Variants in ZNF385B observed in about 807,000 individuals in gnomAD.
ZNF385B encodes zinc finger protein 385B.
Under a neutral mutation model 39.2 loss-of-function variants are expected in ZNF385B, and 23 were observed. The observed-to-expected ratio is 0.59, with a 90% CI of 0.42 to 0.83. ZNF385B has a LOEUF of 0.83. ZNF385B is among the 40% of genes least tolerant of loss of function. The pLI is 0.00. For synonymous variants in ZNF385B, 205 were observed against 222.6 expected (o/e 0.92, Z 0.70); for missense variants, 552 against 598.9 (o/e 0.92, Z 0.82).
rs779539509 is a variant in ZNF385B at position 179,442,471 on chromosome 2, C to T, written c.*779G>A. ...AAATAAGTTAAACAAAAATAGCAAA[C>T]AGGTAGTAATTATAGCTATGTTATA... On this transcript the variant is annotated 3_prime_UTR_variant, in exon 10 of 10. Coordinates refer to ENST00000410066, the MANE Select transcript of ZNF385B (RefSeq NM_152520.6). The T allele has an allele frequency of 1.3e-5, 2 of 152,724 alleles. No homozygotes were observed. The highest frequency in any genetic ancestry group is 4.1e-4 in the South Asian group (2 of 4,824). The allele number at this position is 152,724 out of a possible 1,614,324, so 9.5% of individuals were successfully genotyped here.
intron 5 of ZNF385B, among the ~76,000 whole-genome samples, chr2:179,495,882 G>A (rs913068310): frequency 3.9e-5 from 6 of 152,040 alleles, no homozygotes; most frequent in African/African-American, 7.2e-5. Flanking sequence ...CAAGAAGGAC[G>A]GCTACAAATA....
rs201219497 is a variant in ZNF385B, at chr2:179,493,380, C to T, written c.553-9946G>A. 8.4e-3 allele frequency among the ~76,000 whole-genome samples: 1,273 copies of T among 150,898 alleles called. 14 individuals are homozygous for T. The highest frequency in any genetic ancestry group is 0.035 in the Admixed American group (524 of 15,158). ...ATATATATGTAGGTTTGTGTGCGCG[C>T]GCACATATATGTATGCATACATATA... On this transcript the variant is annotated intron_variant, in intron 5 of 9. Coordinates refer to ENST00000410066, the MANE Select transcript of ZNF385B (RefSeq NM_152520.6).
chr2:179,609,102 G>A (rs1281078091), intron 3 of ZNF385B, among the ~76,000 whole-genome samples: 1 of 151,668 alleles, frequency 6.6e-6, no homozygotes, highest in Non-Finnish European at 1.5e-5. Context: ...CTTTATAAGA[G>A]TATGATATTA....
At chr2:179,814,512 A>C (rs1307697966) in intron 1 of ZNF385B, 1 of 703,842 alleles carries the variant, frequency 1.4e-6, no homozygotes, top group African/African-American at 1.8e-5. Flanking sequence ...CTTCAGGAAC[A>C]AGCACATCAT....
chr2:179,648,491 T>C (rs377613047), intron 3 of ZNF385B, among the ~76,000 whole-genome samples: 19 of 152,252 alleles, frequency 1.2e-4, no homozygotes, highest in African/African-American at 4.6e-4. Flanking sequence ...TTTGTGTATG[T>C]GCATGCACAT....
chr2:179,592,757 A>G (rs16866836), intron 3 of ZNF385B, among the ~76,000 whole-genome samples: 28,642 of 152,062 alleles, frequency 0.19, 2,807 homozygotes, highest in Non-Finnish European at 0.21. Flanking sequence ...TGTTAGTTCT[A>G]CTTGAAGGCC....
chr2:179,792,365 A>ATTCTTTTTTT lies in ZNF385B; in HGVS notation c.-154-21694_-154-21693insAAAAAAAGAA, dbSNP rs34469960. Among the ~76,000 whole-genome samples, 8 of 120,608 alleles carry ATTCTTTTTTT rather than the reference A, an allele frequency of 6.6e-5. 1 individual carries two copies. Among genetic ancestry groups the ATTCTTTTTTT allele is most frequent in the African/African-American group, 9.5e-5 (3 of 31,716 alleles). 79.1% of individuals were successfully genotyped at this position (120,608 alleles called of 152,430 possible). ...AGTGACTGAAGAAGTAGGCCATTTC[A>ATTCTTTTTTT]TTTTCTTTTCTTTTTTTTTTTTTTT... On this transcript the variant is annotated intron_variant, in intron 1 of 9. Coordinates refer to ENST00000410066, the MANE Select transcript of ZNF385B (RefSeq NM_152520.6).
intron 3 of ZNF385B, among the ~76,000 whole-genome samples, chr2:179,739,040 A>C (rs12467807): frequency 0.98 from 148,718 of 152,282 alleles, 72,701 homozygotes; most frequent in Non-Finnish European, 1. Flanking sequence ...GGATTCCACC[A>C]CCACTGCAAA....
At chr2:179,689,344 T>C (rs1054548956) in intron 3 of ZNF385B, among the ~76,000 whole-genome samples, 1 of 152,168 alleles carries the variant, frequency 6.6e-6, no homozygotes, top group Non-Finnish European at 1.5e-5. Flanking sequence ...CCACAGCATA[T>C]GCATATGCAT....
At position 179,840,658 on chromosome 2, in the gene ZNF385B, G is replaced by A. The variant is rs1056071165; in HGVS notation, c.-155+20443C>T. Among the ~76,000 whole-genome samples the A allele has an allele frequency of 3.3e-5, 5 of 152,228 alleles. No individual in the cohort carries two copies. In the East Asian group the frequency reaches 9.7e-4, roughly 29 times the overall value. On this transcript the variant is annotated intron_variant, in intron 1 of 9. Transcript: ENST00000410066. ...TTGTTCCTTCAACTTTGAAGTTTCT[G>A]TATTTATTTTTCCATTGATTTCTCT... is the stretch of plus-strand genomic sequence containing the variant.
rs142795610 is a variant in ZNF385B, at chr2:179,561,621, GA to G, written c.299-16653del. Among the ~76,000 whole-genome samples, 276 of 144,192 alleles carry G rather than the reference GA, an allele frequency of 1.9e-3. 4 individuals carry two copies. The East Asian group carries it at 0.025, about 13-fold the overall frequency. The allele number at this position is 144,192 out of a possible 152,430, so 94.6% of individuals were successfully genotyped here. Reference sequence around the variant, plus strand: ...TCCATGTTTTACAAATGGCAAAATTGAAAAAAAAAAAGGTGGGGAGTAAGGT... The same window carrying G: ...TCCATGTTTTACAAATGGCAAAATTGAAAAAAAAAAGGTGGGGAGTAAGGT... On this transcript the variant is annotated intron_variant, in intron 3 of 9. Transcript: ENST00000410066.
rs114149227 is a variant in ZNF385B, at chr2:179,472,676, G to T, written c.715+10596C>A. Among the ~76,000 whole-genome samples, 1,101 of 152,222 alleles carry T rather than the reference G, an allele frequency of 7.2e-3. 9 individuals are homozygous for T. The highest frequency in any genetic ancestry group is 0.025 in the African/African-American group (1,038 of 41,524). On this transcript the variant is annotated intron_variant, in intron 6 of 9. Transcript: ENST00000410066. ...TGCAAAAGCTGGAAGTCAAATATAC[G>T]GGCTGACAAGTTTCTGCTTTTTTAC...
intron 4 of ZNF385B, among the ~76,000 whole-genome samples, chr2:179,537,147 C>T (rs1181415140): frequency 6.6e-6 from 1 of 151,354 alleles, no homozygotes; most frequent in African/African-American, 2.4e-5. Flanking sequence ...CCTGTCTCTA[C>T]TAAAAATACA....
chr2:179,700,961 C>T (rs899092915), intron 3 of ZNF385B, among the ~76,000 whole-genome samples: 3 of 152,024 alleles, frequency 2.0e-5, no homozygotes, highest in Non-Finnish European at 4.4e-5. Context: ...TGCAGTGAGC[C>T]GAGATCGTGC....
intron 4 of ZNF385B, among the ~76,000 whole-genome samples, chr2:179,526,286 G>C (rs1440987169): frequency 2.0e-5 from 3 of 151,874 alleles, no homozygotes; most frequent in African/African-American, 4.8e-5. Flanking sequence ...AATTCAGAAG[G>C]CTCATTAAAA....
chr2:179,751,848 CT>C (rs1420004403), intron 3 of ZNF385B, among the ~76,000 whole-genome samples: 1 of 152,110 alleles, frequency 6.6e-6, no homozygotes, highest in East Asian at 1.9e-4. Flanking sequence ...CCCTTATCTT[CT>C]CCCCCATCCA....
intron 3 of ZNF385B, among the ~76,000 whole-genome samples, chr2:179,592,106 A>G (rs1687614498): frequency 6.6e-6 from 1 of 152,182 alleles, no homozygotes; most frequent in South Asian, 2.1e-4. Flanking sequence ...ATAAATAGCT[A>G]CGAATCCTCT....
Position 179,543,636 on chromosome 2 carries a change from G to A in ZNF385B, c.441+1191C>T, listed in dbSNP as rs530560035. Among the ~76,000 whole-genome samples the A allele has an allele frequency of 1.1e-3, 162 of 152,186 alleles. 1 individual carries two copies. Among genetic ancestry groups the A allele is most frequent in the Admixed American group, 2.2e-3 (34 of 15,278 alleles). On this transcript the variant is annotated intron_variant, in intron 4 of 9. Transcript: ENST00000410066. ...ATTTATCCTATTGAGCCACTCCACT[G>A]CTCTAGGAACAATGCTCGCCTTTTG...
intron 6 of ZNF385B, among the ~76,000 whole-genome samples, chr2:179,462,387 A>G (rs1280385678): frequency 6.6e-6 from 1 of 152,212 alleles, no homozygotes; most frequent in Non-Finnish European, 1.5e-5. Flanking sequence ...GGGGCTCTAC[A>G]GCAGACAAAA....
Sources: allele counts gnomAD v4.1 joint callset (sites outside exome capture counted in the v4.1 genomes callset), GRCh38; gene constraint gnomAD v4.1.1; transcripts MANE v1.5; gene names NCBI Gene and HGNC (gene_info 2026-07-23, HGNC 2026-07-21).